The following ANO1 variants were observed in gnomAD, a reference collection of about 807,000 sequenced individuals.
ANO1 encodes the protein anoctamin 1.
Under a neutral mutation model 124.0 loss-of-function variants are expected in ANO1, and 59 were observed. The ratio of observed to expected loss-of-function variants is 0.48; its 90% CI spans 0.39 to 0.59. The LOEUF (loss-of-function observed/expected upper bound fraction) is 0.59, where lower values mean the gene tolerates loss of function less well. ANO1 is among the 20% of genes least tolerant of loss of function. The pLI, the probability that ANO1 is intolerant of heterozygous loss-of-function variation, is 0.00. For synonymous variants in ANO1, 529 were observed against 532.0 expected, an observed-to-expected ratio of 0.99 and a Z score of 0.08; for missense variants, 1,059 against 1,328.0, an observed-to-expected ratio of 0.80 and a Z score of 3.15.
At chr11:70,055,572 T>C (rs936924056) in intron 1 of ANO1, among the ~76,000 whole-genome samples, 3 of 152,068 alleles carry the variant, frequency 2.0e-5, no homozygotes, top group Admixed American at 6.5e-5. Context: ...TTTATTAAAG[T>C]GTGTCTTCTG....
intron 16 of ANO1, among the ~76,000 whole-genome samples, chr11:70,159,566 A>C (rs1165358196): frequency 6.6e-6 from 1 of 152,208 alleles, no homozygotes; most frequent in South Asian, 2.1e-4. Flanking sequence ...ACGTTGGTTG[A>C]GCACCTAGGA....
At chr11:70,090,961 G>T (rs2044603765) in intron 2 of ANO1, among the ~76,000 whole-genome samples, 7 of 152,202 alleles carry the variant, frequency 4.6e-5, no homozygotes, top group Admixed American at 4.6e-4. Context: ...TTTTATGAAG[G>T]CTTCCTGGAA....
chr11:70,029,488 G>A (rs544871819), intron 1 of ANO1, among the ~76,000 whole-genome samples: 4 of 152,168 alleles, frequency 2.6e-5, no homozygotes, highest in Admixed American at 2.0e-4. Context: ...GCAGGGAGGA[G>A]TCTCCACCCC....
chr11:70,156,030 G>A, intron 15 of ANO1, 42 bp downstream of exon 15: 2 of 1,439,650 alleles, frequency 1.4e-6, no homozygotes, highest in Non-Finnish European at 1.8e-6. Context: ...TTGACTGTTT[G>A]CAGGCAATCA....
chr11:70,186,052 G>A (rs2049105804), intron 25 of ANO1, among the ~76,000 whole-genome samples: 1 of 152,124 alleles, frequency 6.6e-6, no homozygotes, highest in South Asian at 2.1e-4. Context: ...TTGGGAGACC[G>A]AGGCAGGTGG....
rs10898112 is a variant in ANO1, at chr11:70,087,979, G to C, written c.336G>C (p.Ser112=). Residue 112 remains serine (S), a synonymous_variant, in exon 2 of 26, where the codon TCG becomes TCC. Coordinates refer to ENST00000355303, the MANE Select transcript of ANO1 (RefSeq NM_018043.7). ...PGKGASLDAG[S]GEPPMDYHED... ...AGGGGGCGTCGCTGGATGCAGGCTC[G>C]GGGGAGCCCCCGATGGACTACCACG... The C allele has an allele frequency of 6.6e-5, 104 of 1,578,878 alleles. No homozygotes were observed. Among genetic ancestry groups the C allele is most frequent in the Non-Finnish European group, 8.5e-5 (99 of 1,161,262 alleles).
In ANO1 at chr11:70,000,266, G is replaced by A. The variant is rs145627374; in HGVS notation, c.58+14100G>A. 2.0e-3 allele frequency among the ~76,000 whole-genome samples: 295 copies of A among 150,902 alleles called. 3 individuals are homozygous for A. Among genetic ancestry groups the A allele is most frequent in the African/African-American group, 6.8e-3 (278 of 41,074 alleles). ...GAGGCACTCACAGAGGAAGAAAATG[G>A]AATGTGACATCTGCTTTATAAGGGA... On this transcript the variant is annotated intron_variant, in intron 1 of 27. Transcript: ENST00000531349.
chr11:70,082,603 G>T (rs2044235520), intron 1 of ANO1, among the ~76,000 whole-genome samples: 1 of 152,218 alleles, frequency 6.6e-6, no homozygotes, highest in African/African-American at 2.4e-5. Flanking sequence ...CAGCAAAGGT[G>T]CACCGAGGGG....
intron 1 of ANO1, among the ~76,000 whole-genome samples, chr11:70,007,560 G>A (rs562253309): frequency 2.0e-5 from 3 of 152,288 alleles, no homozygotes; most frequent in Admixed American, 6.5e-5. Context: ...GATTACAGGC[G>A]TGAGCCACCG....
chr11:70,022,479 G>A (rs961354088), intron 1 of ANO1, among the ~76,000 whole-genome samples: 13 of 152,036 alleles, frequency 8.6e-5, no homozygotes, highest in Non-Finnish European at 1.5e-4. Flanking sequence ...GGTGCCTCTA[G>A]TCCCAGCTAC....
At chr11:70,155,792 G>A in intron 14 of ANO1, 119 bp from the exon 15 acceptor site, 1 of 899,554 alleles carries the variant, frequency 1.1e-6, no homozygotes, top group South Asian at 1.8e-5. Context: ...TGAGCTTACG[G>A]CCCGCACCAG....
intron 6 of ANO1, chr11:70,111,020 C>T (rs1177117012): frequency 1.2e-5 from 5 of 417,372 alleles, no homozygotes; most frequent in Non-Finnish European, 1.9e-5. Flanking sequence ...GAGCACTGGA[C>T]GGCTGTGAGT....
intron 9 of ANO1, among the ~76,000 whole-genome samples, 163 bp from the exon 10 acceptor site, chr11:70,125,897 AC>A (rs2046491862): frequency 6.6e-6 from 1 of 150,462 alleles, no homozygotes; most frequent in Non-Finnish European, 1.5e-5. Flanking sequence ...AGCAGAGAGC[AC>A]CCCCAACCTG....
At chr11:70,062,707 G>A (rs962625941) in intron 1 of ANO1, among the ~76,000 whole-genome samples, 5 of 152,174 alleles carry the variant, frequency 3.3e-5, no homozygotes, top group African/African-American at 9.7e-5. Context: ...GACTGGGCAG[G>A]TTCCCAAACC....
chr11:70,156,127 C>A, intron 15 of ANO1, 139 bp downstream of exon 15: 1 of 909,090 alleles, frequency 1.1e-6, no homozygotes, highest in Non-Finnish European at 1.6e-6. Context: ...CCTTCGGCAC[C>A]CAGTGAGCCC....
At chr11:70,009,780 A>G (rs1481295534) in intron 1 of ANO1, among the ~76,000 whole-genome samples, 1 of 151,980 alleles carries the variant, frequency 6.6e-6, no homozygotes, top group Non-Finnish European at 1.5e-5. Context: ...CTCTTTTTAA[A>G]TTATTATTTC....
intron 1 of ANO1, among the ~76,000 whole-genome samples, chr11:70,000,862 C>T (rs7103124): frequency 0.49 from 73,919 of 151,562 alleles, 19,234 homozygotes; most frequent in East Asian, 0.89. Context: ...TCCCAGCAAC[C>T]GCAGTGACTC....
chr11:69,982,707 G>A (rs1261753617), upstream of ANO1, among the ~76,000 whole-genome samples: 11 of 152,138 alleles, frequency 7.2e-5, no homozygotes, highest in Non-Finnish European at 5.9e-5. Flanking sequence ...CCATAGGCCC[G>A]GCTTCTGCAC....
At chr11:70,095,275 G>GGAAGGAAGGAAAGAAA (rs1555017278) in intron 2 of ANO1, among the ~76,000 whole-genome samples, 20 of 81,332 alleles carry the variant, frequency 2.5e-4, no homozygotes, top group African/African-American at 1.0e-3. Context: ...AAGGAAGGAA[G>GGAAGGAAGGAAAGAAA]GAAGGAAGGA....
Sources: allele counts gnomAD v4.1 joint callset (sites outside exome capture counted in the v4.1 genomes callset), GRCh38; gene constraint gnomAD v4.1.1; transcripts MANE v1.5; gene names NCBI Gene and HGNC (gene_info 2026-07-23, HGNC 2026-07-21).